Variants in ROR2 observed in about 807,000 individuals in gnomAD.
The protein encoded by ROR2 is tyrosine-protein kinase transmembrane receptor ROR2.
Under a neutral mutation model 74.9 loss-of-function variants are expected in ROR2, and 33 were observed. The ratio of observed to expected loss-of-function variants is 0.44; its 90% confidence interval spans 0.33 to 0.59. ROR2 has a LOEUF of 0.59. Ranked by LOEUF, ROR2 falls within the 20% of genes least tolerant of loss-of-function variation. The pLI is 0.02. For missense variants in ROR2, 1,216 were observed against 1,313.8 expected (o/e 0.93, Z 1.15); for synonymous variants, 586 against 558.7 (o/e 1.05, Z -0.69).
At position 91,724,891 on chromosome 9, in the gene ROR2, T is replaced by C; in HGVS notation, c.1603A>G (p.Asn535Asp). ...ACCACGCCCAGCAGGCAGACGACGT[T>C]GGGGTGTTGCAGCCGTGCTCGCAGC... ...AMLRARLQHPNVVCLLGVVTK... is the reference protein window; with the variant it reads ...AMLRARLQHPDVVCLLGVVTK... The change falls in exon 9 of 9, where the codon AAC (asparagine) becomes GAC (aspartate). Residue 535 changes from asparagine (N) to aspartate (D), a missense_variant. Transcript: ENST00000375708. 1 of 1,606,324 alleles carries C rather than the reference T, an allele frequency of 6.2e-7. No individual in the cohort carries two copies. Among genetic ancestry groups the C allele is most frequent in the South Asian group, 1.1e-5 (1 of 90,562 alleles).
rs748003101 is a variant in ROR2, at chr9:91,724,915, G to T, written c.1579C>A (p.Leu527Met). 1.6e-5 allele frequency: 25 copies of T among 1,611,540 alleles called. No homozygotes were observed. Among genetic ancestry groups the T allele is most frequent in the Non-Finnish European group, 2.1e-5 (25 of 1,178,256 alleles). The change falls in exon 9 of 9, where the codon CTG (leucine) becomes ATG (methionine). Residue 527 changes from leucine to methionine, a missense_variant. Coordinates refer to ENST00000375708, the MANE Select transcript of ROR2 (RefSeq NM_004560.4). ...TTGGGGTGTTGCAGCCGTGCTCGCA[G>T]CATAGCCTCATGCCGGAACTCCTCC... Reference protein sequence around the residue: ...LREEFRHEAMLRARLQHPNVV... With the variant: ...LREEFRHEAMMRARLQHPNVV...
At chr9:91,930,773 A>C (rs561728173) in intron 1 of ROR2, among the ~76,000 whole-genome samples, 1 of 152,366 alleles carries the variant, frequency 6.6e-6, no homozygotes, top group South Asian at 2.1e-4. Context: ...AAAACAGAAT[A>C]CAGCAAACAG....
intron 1 of ROR2, among the ~76,000 whole-genome samples, chr9:91,836,800 C>T (rs1473095473): frequency 6.6e-6 from 1 of 152,216 alleles, no homozygotes; most frequent in Non-Finnish European, 1.5e-5. Context: ...TGAATGGCAG[C>T]TCGCTCCTCC....
At chr9:91,839,518 C>T (rs764406276) in intron 1 of ROR2, among the ~76,000 whole-genome samples, 6 of 149,620 alleles carry the variant, frequency 4.0e-5, no homozygotes, top group African/African-American at 9.9e-5. Context: ...ATGTGTGGTG[C>T]GTGTATGTTG....
chr9:91,930,258 G>A lies in ROR2; in HGVS notation c.97+19609C>T, dbSNP rs146946973. ...TGCTCTTTCCTGTTCTGTTAATAAC[G>A]CTTCCCACCTTTGCTGTGCAAACTG... is the stretch of plus-strand genomic sequence containing the variant. On this transcript the variant is annotated intron_variant, in intron 1 of 8. Coordinates refer to ENST00000375708, the MANE Select transcript of ROR2 (RefSeq NM_004560.4). 7.6e-4 allele frequency among the ~76,000 whole-genome samples: 116 copies of A among 152,264 alleles called. 2 individuals carry two copies. The East Asian group carries it at 0.019, about 25-fold the overall frequency.
At chr9:91,856,367 G>C (rs546997194) in intron 1 of ROR2, among the ~76,000 whole-genome samples, 14 of 152,356 alleles carry the variant, frequency 9.2e-5, no homozygotes, top group African/African-American at 2.9e-4. Context: ...TCAAAATGCT[G>C]TAAGTTAAAT....
intron 1 of ROR2, among the ~76,000 whole-genome samples, chr9:91,938,622 A>G (rs1831765736): frequency 6.6e-6 from 1 of 152,158 alleles, no homozygotes; most frequent in African/African-American, 2.4e-5. Flanking sequence ...ACTTCATCTC[A>G]AAAAGGAAGA....
intron 1 of ROR2, among the ~76,000 whole-genome samples, chr9:91,829,299 T>G (rs1563986686): frequency 6.6e-6 from 1 of 151,990 alleles, no homozygotes; most frequent in Non-Finnish European, 1.5e-5. Flanking sequence ...TCCTTGCACT[T>G]TGGGAGACTG....
At chr9:91,904,553 T>G (rs1830762677) in intron 1 of ROR2, among the ~76,000 whole-genome samples, 1 of 152,164 alleles carries the variant, frequency 6.6e-6, no homozygotes, top group Non-Finnish European at 1.5e-5. Flanking sequence ...TGGCCCAGCC[T>G]TGTGGAGCAA....
chr9:91,921,765 A>AT, intron 1 of ROR2, among the ~76,000 whole-genome samples: 2 of 151,248 alleles, frequency 1.3e-5, no homozygotes, highest in Middle Eastern at 3.4e-3. Context: ...CAGGAGGCTG[A>AT]GGCAGGAGAA....
At chr9:91,790,312 C>T (rs755782072) in intron 1 of ROR2, among the ~76,000 whole-genome samples, 6 of 149,968 alleles carry the variant, frequency 4.0e-5, no homozygotes, top group Non-Finnish European at 7.4e-5. Context: ...CCATCCTGGC[C>T]AACATGATGA....
chr9:91,888,648 G>C (rs1171339432), intron 1 of ROR2, among the ~76,000 whole-genome samples: 1 of 152,214 alleles, frequency 6.6e-6, no homozygotes, highest in African/African-American at 2.4e-5. Flanking sequence ...TGCTCTCAGA[G>C]GGTGATCGAG....
chr9:91,906,413 G>A (rs888391389), intron 1 of ROR2, among the ~76,000 whole-genome samples: 1 of 152,160 alleles, frequency 6.6e-6, no homozygotes, highest in African/African-American at 2.4e-5. Flanking sequence ...TGCCGTCTCA[G>A]CTCCCAGGAA....
intron 1 of ROR2, among the ~76,000 whole-genome samples, chr9:91,855,470 C>G (rs1488143693): frequency 1.3e-5 from 2 of 152,182 alleles, no homozygotes; most frequent in African/African-American, 4.8e-5. Flanking sequence ...GATCCCAGGC[C>G]GAGAAGGGAG....
intron 4 of ROR2, among the ~76,000 whole-genome samples, chr9:91,753,141 G>T (rs1564252072): frequency 6.6e-6 from 1 of 151,930 alleles, no homozygotes; most frequent in Admixed American, 6.6e-5. Context: ...AATCTTTCAA[G>T]GAAATCATGA....
At chr9:91,877,828 T>C (rs1360099958) in intron 1 of ROR2, among the ~76,000 whole-genome samples, 1 of 152,174 alleles carries the variant, frequency 6.6e-6, no homozygotes, top group African/African-American at 2.4e-5. Flanking sequence ...TGCCCCAACC[T>C]GGGTGGGAGA....
chr9:91,751,541 C>A (rs924173396), intron 4 of ROR2, among the ~76,000 whole-genome samples: 2 of 152,046 alleles, frequency 1.3e-5, no homozygotes, highest in Non-Finnish European at 2.9e-5. Context: ...CCAAAAAACC[C>A]CACAAAAACC....
chr9:91,941,164 A>AT (rs1831852653), intron 1 of ROR2, among the ~76,000 whole-genome samples: 1 of 150,756 alleles, frequency 6.6e-6, no homozygotes, highest in African/African-American at 2.4e-5. Flanking sequence ...TGCCCAGCTA[A>AT]TTTTTTGTAT....
At chr9:91,907,692 G>C (rs938833107) in intron 1 of ROR2, among the ~76,000 whole-genome samples, 9 of 152,110 alleles carry the variant, frequency 5.9e-5, no homozygotes, top group African/African-American at 2.2e-4. Context: ...AAATTCCTGA[G>C]ATCTATCCTC....
Sources: gnomAD v4.1 joint callset for allele counts (sites outside exome capture counted in the v4.1 genomes callset) on GRCh38, gnomAD v4.1.1 for gene constraint, MANE v1.5 for transcripts, NCBI Gene and HGNC (gene_info 2026-07-23, HGNC 2026-07-21) for gene names.